The following SLX4IP variants were observed in gnomAD, a reference collection of about 807,000 sequenced individuals.
SLX4IP encodes protein SLX4IP.
Under a neutral mutation model 32.9 loss-of-function variants are expected in SLX4IP, and 34 were observed. The ratio of observed to expected loss-of-function variants is 1.03; its 90% CI spans 0.79 to 1.38. The LOEUF is 1.38. SLX4IP is among the 40% of genes most tolerant of loss of function. The pLI is 0.00. For synonymous variants in SLX4IP, 172 were observed against 171.7 expected, an observed-to-expected ratio of 1.00 and a Z score of -0.01; for missense variants, 444 against 479.0, an observed-to-expected ratio of 0.93 and a Z score of 0.68.
chr20:10,507,371 G>A (rs1350956503), intron 2 of SLX4IP, among the ~76,000 whole-genome samples: 4 of 152,140 alleles, frequency 2.6e-5, no homozygotes, highest in Admixed American at 2.6e-4. Context: ...CTTTAAAGTG[G>A]GGAGATGAGG....
chr20:10,489,916 G>A (rs2065607144), intron 2 of SLX4IP, among the ~76,000 whole-genome samples: 1 of 152,200 alleles, frequency 6.6e-6, no homozygotes, highest in Non-Finnish European at 1.5e-5. Flanking sequence ...ACATGCAAAT[G>A]TTTAAATCTG....
intron 2 of SLX4IP, among the ~76,000 whole-genome samples, chr20:10,507,078 C>A (rs2122422404): frequency 6.6e-6 from 1 of 152,262 alleles, no homozygotes; most frequent in East Asian, 1.9e-4. Context: ...AGTGAAGCTG[C>A]AATTTTAAAT....
At chr20:10,482,124 G>C (rs769895627) in intron 2 of SLX4IP, among the ~76,000 whole-genome samples, 11 of 152,300 alleles carry the variant, frequency 7.2e-5, no homozygotes, top group African/African-American at 2.4e-5. Flanking sequence ...AGGGATCAGT[G>C]GGGGCCACTT....
chr20:10,472,965 A>G (rs2065438619), intron 2 of SLX4IP, among the ~76,000 whole-genome samples: 1 of 152,248 alleles, frequency 6.6e-6, no homozygotes, highest in Non-Finnish European at 1.5e-5. Context: ...GAGTTCAAAC[A>G]AAACTGTTAA....
intron 2 of SLX4IP, among the ~76,000 whole-genome samples, chr20:10,469,483 A>G (rs954726420): frequency 5.9e-5 from 9 of 152,178 alleles, no homozygotes; most frequent in Admixed American, 6.5e-5. Flanking sequence ...GTTTCAGTAT[A>G]ATGGTTTTGA....
intron 2 of SLX4IP, among the ~76,000 whole-genome samples, chr20:10,517,088 C>T (rs608680): frequency 0.57 from 87,285 of 152,090 alleles, 25,665 homozygotes; most frequent in South Asian, 0.72. Context: ...TTGTCAAGCC[C>T]TTGCATATAA....
chr20:10,552,667 A>C (rs1568736865), intron 2 of SLX4IP, among the ~76,000 whole-genome samples: 1 of 152,264 alleles, frequency 6.6e-6, no homozygotes, highest in East Asian at 1.9e-4. Flanking sequence ...CATTCTACTC[A>C]ATCTGTTTAT....
intron 7 of SLX4IP, among the ~76,000 whole-genome samples, chr20:10,622,401 G>C (rs879872108): frequency 1.3e-5 from 2 of 152,162 alleles, no homozygotes; most frequent in East Asian, 3.9e-4. Context: ...AAATGTGAAC[G>C]CCATCATAAA....
In SLX4IP at chr20:10,623,064, C is replaced by T; in HGVS notation, c.912C>T (p.Asp304=). The part of the protein sequence containing the change: ...QKRRNCSSAE[D]FDHHGRVSLG... Reference sequence around the variant, plus strand: ...GCAGGAACTGCAGCTCTGCGGAAGACTTCGACCACCACGGGAGAGTTTCTC... The same window carrying T: ...GCAGGAACTGCAGCTCTGCGGAAGATTTCGACCACCACGGGAGAGTTTCTC... Residue 304 remains aspartate (D), a synonymous_variant, in exon 8 of 8, where the codon GAC becomes GAT. Transcript: ENST00000334534. 1.2e-6 allele frequency: 2 copies of T among 1,614,102 alleles called. No individual in the cohort carries two copies. The highest frequency in any genetic ancestry group is 1.7e-6 in the Non-Finnish European group (2 of 1,179,960).
chr20:10,583,994 A>G (rs1487012243), intron 4 of SLX4IP, among the ~76,000 whole-genome samples: 1 of 152,172 alleles, frequency 6.6e-6, no homozygotes, highest in Non-Finnish European at 1.5e-5. Context: ...CTAATTTAGC[A>G]CCTTAATTAA....
chr20:10,591,145 T>C lies in SLX4IP; in HGVS notation c.239-7530T>C, dbSNP rs1268736299. ...AACCCAACCCTTTTCCTGTTACCTG[T>C]CTTACCCCTCAGGCATTAAGTTTGC... is the stretch of plus-strand genomic sequence containing the variant. On this transcript the variant is annotated intron_variant, in intron 4 of 7. Coordinates refer to ENST00000334534, the MANE Select transcript of SLX4IP (RefSeq NM_001009608.3). Among the ~76,000 whole-genome samples the C allele has an allele frequency of 2.0e-5, 3 of 152,180 alleles. No homozygotes were observed. In the East Asian group the frequency reaches 5.8e-4, roughly 29 times the overall value.
chr20:10,568,579 A>G (rs574933799), intron 4 of SLX4IP, among the ~76,000 whole-genome samples: 21 of 152,286 alleles, frequency 1.4e-4, no homozygotes, highest in African/African-American at 4.8e-4. Context: ...GTGAGATAAG[A>G]CCATATGAAA....
rs1166556158 is a variant in SLX4IP, at chr20:10,441,255, G to A, written c.-30+5802G>A. Among the ~76,000 whole-genome samples, 7 of 152,202 alleles carry A rather than the reference G, an allele frequency of 4.6e-5. No homozygotes were observed. The East Asian group carries it at 1.4e-3, about 29-fold the overall frequency. On this transcript the variant is annotated intron_variant, in intron 1 of 7. Transcript: ENST00000334534. ...CTTAGAAAACAGCCTGGGCAATATG[G>A]CGAAACCTCATCTCTACAAAAAATA...
intron 1 of SLX4IP, among the ~76,000 whole-genome samples, chr20:10,453,272 A>G (rs1394104899): frequency 6.6e-6 from 1 of 151,102 alleles, no homozygotes; most frequent in African/African-American, 2.4e-5. Context: ...TCCTAATTCA[A>G]TCTCATATTC....
chr20:10,479,685 A>AT (rs1963394973), intron 2 of SLX4IP, among the ~76,000 whole-genome samples: 1 of 151,570 alleles, frequency 6.6e-6, no homozygotes, highest in Non-Finnish European at 1.5e-5. Context: ...ATGTTACAGT[A>AT]TTATCATCCA....
chr20:10,485,618 C>CA lies in SLX4IP; in HGVS notation c.27+27402dup, dbSNP rs35879869. 6.7e-3 allele frequency among the ~76,000 whole-genome samples: 923 copies of CA among 137,210 alleles called. 17 individuals are homozygous for CA. Among genetic ancestry groups the CA allele is most frequent in the Middle Eastern group, 0.02 (5 of 254 alleles). The allele number at this position is 137,210 out of a possible 152,430, so 90.0% of individuals were successfully genotyped here. A position where few individuals can be genotyped will look rare whatever the true frequency, so the allele number is the denominator to read the frequency against. ...GCCTGGGTGACAAAGGAGACTCTGT[C>CA]AAAAAAAAAAAAAAATCACTGATAA... On this transcript the variant is annotated intron_variant, in intron 2 of 7. Coordinates refer to ENST00000334534, the MANE Select transcript of SLX4IP (RefSeq NM_001009608.3).
At chr20:10,585,617 C>CT (rs1377544755) in intron 4 of SLX4IP, among the ~76,000 whole-genome samples, 1 of 151,194 alleles carries the variant, frequency 6.6e-6, no homozygotes, top group East Asian at 1.9e-4. Context: ...GAGTCTCACT[C>CT]TGTCACCCAG....
chr20:10,583,375 G>A lies in SLX4IP; in HGVS notation c.239-15300G>A, dbSNP rs187864667. Among the ~76,000 whole-genome samples, 32 of 152,286 alleles carry A rather than the reference G, an allele frequency of 2.1e-4. No individual in the cohort carries two copies. The East Asian group carries it at 3.7e-3, about 17-fold the overall frequency. On this transcript the variant is annotated intron_variant, in intron 4 of 7. Coordinates refer to ENST00000334534, the MANE Select transcript of SLX4IP (RefSeq NM_001009608.3). ...TTGTTCTATTCAGGGTCTGAACAAG[G>A]TTGGTGTACACATTCATTGCACTCG... is the stretch of plus-strand genomic sequence containing the variant.
intron 4 of SLX4IP, among the ~76,000 whole-genome samples, chr20:10,561,178 A>C (rs1348179911): frequency 6.6e-6 from 1 of 152,232 alleles, no homozygotes; most frequent in East Asian, 1.9e-4. Context: ...TAATTTTCAA[A>C]TTAGAGTAAT....
Sources: gnomAD v4.1 joint callset for allele counts (sites outside exome capture counted in the v4.1 genomes callset) on GRCh38, gnomAD v4.1.1 for gene constraint, MANE v1.5 for transcripts, NCBI Gene and HGNC (gene_info 2026-07-23, HGNC 2026-07-21) for gene names.